The following RXYLT1 variants were observed in gnomAD, a reference collection of about 807,000 sequenced individuals.
RXYLT1 encodes ribitol xylosyltransferase 1.
RXYLT1 carries 41 observed loss-of-function variants against 43.5 expected under a neutral mutation model. That is an observed-to-expected ratio of 0.94 (90% CI 0.73 to 1.22). The LOEUF is 1.22. Among genes scored for constraint, RXYLT1 ranks in the 50% most tolerant of loss-of-function variants. The pLI is 0.00. For missense variants in RXYLT1, 514 were observed against 532.0 expected, an observed-to-expected ratio of 0.97 and a Z score of 0.33; for synonymous variants, 166 against 194.4, an observed-to-expected ratio of 0.85 and a Z score of 1.21.
intron 1 of RXYLT1, 49 bp downstream of exon 1, chr12:63,780,178 G>C: frequency 1.4e-6 from 2 of 1,406,646 alleles, no homozygotes; most frequent in Non-Finnish European, 9.1e-7. Flanking sequence ...CCTGGCTGGG[G>C]CTGCTGGGCG....
intron 2 of RXYLT1, among the ~76,000 whole-genome samples, chr12:63,781,564 T>G (rs1313486166): frequency 6.6e-6 from 1 of 152,176 alleles, no homozygotes; most frequent in Non-Finnish European, 1.5e-5. Context: ...CACTGAAGAG[T>G]ACAAAGTTAA....
chr12:63,787,602 T>A (rs1897833768), intron 3 of RXYLT1, among the ~76,000 whole-genome samples: 4 of 152,182 alleles, frequency 2.6e-5, no homozygotes, highest in Non-Finnish European at 5.9e-5. Context: ...TATAGCCTTA[T>A]GAAAAGTATT....
chr12:63,808,737 A>C lies in RXYLT1; in HGVS notation c.977A>C (p.Asp326Ala). Residue 326 changes from aspartate to alanine, a missense_variant, in exon 6 of 6, where the codon GAT becomes GCT. Asp to Ala is a moderately radical substitution (Grantham distance 126). Transcript: ENST00000261234. ...TACCAAGATGCCTTGCTTCAGAGTGATCTCACATTGTGCCCGGTCGGAGTA... is the reference window on the plus strand; with the variant it reads ...TACCAAGATGCCTTGCTTCAGAGTGCTCTCACATTGTGCCCGGTCGGAGTA... ...KNYQDALLQS[D>A]LTLCPVGVNT... The C allele has an allele frequency of 1.9e-6, 3 of 1,611,614 alleles. No individual in the cohort carries two copies. The highest frequency in any genetic ancestry group is 1.7e-5 in the Admixed American group (1 of 59,020).
chr12:63,802,406 G>GT lies in RXYLT1; in HGVS notation c.743+2dup, dbSNP rs761767587. The GT allele has an allele frequency of 6.4e-7, 1 of 1,558,812 alleles. No homozygotes were observed. The highest frequency in any genetic ancestry group is 8.7e-7 in the Non-Finnish European group (1 of 1,152,148). ...TTCAGTGGCCTTTAGGAGTAGCAAC[G>GT]TAAGTACAAAATATGATTAAACATT... On this transcript the variant is annotated splice_donor_variant, in intron 4 of 5. Coordinates refer to ENST00000261234, the MANE Select transcript of RXYLT1 (RefSeq NM_014254.3). LOFTEE classifies it high-confidence loss of function.
In RXYLT1 at chr12:63,809,283, T is replaced by C; in HGVS notation, c.*191T>C. 1 of 476,198 alleles carries C rather than the reference T, an allele frequency of 2.1e-6. No homozygotes were observed. The highest frequency in any genetic ancestry group is 3.6e-6 in the Non-Finnish European group (1 of 275,118). The allele number at this position is 476,198 out of a possible 1,614,324, so 29.5% of individuals were successfully genotyped here. A position where few individuals can be genotyped will look rare whatever the true frequency, so the allele number is the denominator to read the frequency against. On this transcript the variant is annotated 3_prime_UTR_variant, in exon 6 of 6. Coordinates refer to ENST00000261234, the MANE Select transcript of RXYLT1 (RefSeq NM_014254.3). ...TGATAGTGGTCCCATAAGATTATAA[T>C]GGAGCTGAAAAATTTCTATCGCCTA...
At chr12:63,801,137 A>T (rs927938524) in intron 3 of RXYLT1, among the ~76,000 whole-genome samples, 1 of 152,026 alleles carries the variant, frequency 6.6e-6, no homozygotes, top group African/African-American at 2.4e-5. Context: ...TTTGATGTGG[A>T]TCCTCCCATT....
At chr12:63,802,675 A>T (rs1384561848) in intron 4 of RXYLT1, among the ~76,000 whole-genome samples, 1 of 152,144 alleles carries the variant, frequency 6.6e-6, no homozygotes, top group Admixed American at 6.6e-5. Context: ...GCTTATTAGG[A>T]GTGCCATAAA....
chr12:63,796,391 T>C (rs1015849211), intron 3 of RXYLT1, among the ~76,000 whole-genome samples: 1 of 152,220 alleles, frequency 6.6e-6, no homozygotes, highest in Non-Finnish European at 1.5e-5. Context: ...AAGTTACTGT[T>C]TTTTTCCATT....
At position 63,802,189 on chromosome 12, in the gene RXYLT1, A is replaced by T. The variant is rs561260081; in HGVS notation, c.527A>T (p.Tyr176Phe). ...GGAAGAGAAAAAGCAAAGATCTTTT[A>T]TGCCACCCAGTGGTTACTTTATGCA... ...LNGREKAKIF[Y>F]ATQWLLYAQN... Residue 176 changes from tyrosine (Y) to phenylalanine (F), a missense_variant, in exon 4 of 6, where the codon TAT becomes TTT. By Grantham distance (22) the Tyr-to-Phe change is conservative. Transcript: ENST00000261234. 3 of 1,614,118 alleles carry T rather than the reference A, an allele frequency of 1.9e-6. No individual in the cohort carries two copies. Among genetic ancestry groups the T allele is most frequent in the South Asian group, 2.2e-5 (2 of 91,068 alleles).
intron 3 of RXYLT1, among the ~76,000 whole-genome samples, chr12:63,786,653 T>C (rs1897808763): frequency 6.6e-6 from 1 of 152,238 alleles, no homozygotes. Context: ...TATTGATGAC[T>C]AATCAGGGTG....
At position 63,808,934 on chromosome 12, in the gene RXYLT1, C is replaced by A; in HGVS notation, c.1174C>A (p.Leu392Ile). ...TATCTTTATCAAGAACTGGAAGGAA[C>A]TCCCTGCTGTTTTAGAAAAAGAGAA... ...PFIFIKNWKE[L>I]PAVLEKEKTI... is the part of the protein sequence containing the mutation. Residue 392 changes from leucine to isoleucine, a missense_variant, in exon 6 of 6, where the codon CTC (leucine) becomes ATC (isoleucine). Coordinates refer to ENST00000261234, the MANE Select transcript of RXYLT1 (RefSeq NM_014254.3). 6.2e-7 allele frequency: 1 copy of A among 1,613,738 alleles called. No homozygotes were observed. Among genetic ancestry groups the A allele is most frequent in the Non-Finnish European group, 8.5e-7 (1 of 1,179,994 alleles).
intron 4 of RXYLT1, among the ~76,000 whole-genome samples, chr12:63,803,258 C>T (rs1393550979): frequency 1.6e-5 from 2 of 127,944 alleles, no homozygotes; most frequent in Non-Finnish European, 3.2e-5. Flanking sequence ...ATATTTTTAT[C>T]TTTCTGTTAA....
At chr12:63,804,464 T>G (rs1030714287) in intron 4 of RXYLT1, 13 of 152,234 alleles carry the variant, frequency 8.5e-5, no homozygotes, top group African/African-American at 3.1e-4. Flanking sequence ...CAGTTTGTTT[T>G]AATCTACTTG....
chr12:63,801,110 A>T lies in RXYLT1; in HGVS notation c.429-981A>T. Among the ~76,000 whole-genome samples the T allele has an allele frequency of 1.3e-5, 2 of 152,140 alleles. 1 individual carries two copies. The highest frequency in any genetic ancestry group is 2.9e-5 in the Non-Finnish European group (2 of 68,034). ...CTTTCATCTTCCTTCCTCCTCAGAT[A>T]CAATTGCTATCATAAATTTGATGTG... On this transcript the variant is annotated intron_variant, in intron 3 of 5. Coordinates refer to ENST00000261234, the MANE Select transcript of RXYLT1 (RefSeq NM_014254.3).
intron 3 of RXYLT1, among the ~76,000 whole-genome samples, chr12:63,785,976 A>G (rs2136222469): frequency 6.6e-6 from 1 of 152,296 alleles, no homozygotes; most frequent in East Asian, 1.9e-4. Flanking sequence ...GTTAAAAAGT[A>G]AACAGGTTTT....
In RXYLT1 at chr12:63,808,859, G is replaced by A; in HGVS notation, c.1099G>A (p.Val367Met). 6.2e-7 allele frequency: 1 copy of A among 1,614,140 alleles called. No individual in the cohort carries two copies. Among genetic ancestry groups the A allele is most frequent in the Non-Finnish European group, 8.5e-7 (1 of 1,180,040 alleles). The change falls in exon 6 of 6, where the codon GTG (valine) becomes ATG (methionine). Residue 367 changes from valine to methionine, a missense_variant. Physicochemically the swap from Val to Met is conservative, Grantham distance 21 (BLOSUM62 1). Coordinates refer to ENST00000261234, the MANE Select transcript of RXYLT1 (RefSeq NM_014254.3). ...MTAGNCGNTS[V>M]HHGAPLQLLK... ...AGCTGGCAACTGTGGGAATACATCTGTGCACCACGGTGCTCCTCTGCAGTT... is the reference window on the plus strand; with the variant it reads ...AGCTGGCAACTGTGGGAATACATCTATGCACCACGGTGCTCCTCTGCAGTT...
At chr12:63,791,201 A>C (rs1025931411) in intron 3 of RXYLT1, among the ~76,000 whole-genome samples, 1 of 152,170 alleles carries the variant, frequency 6.6e-6, no homozygotes, top group Non-Finnish European at 1.5e-5. Flanking sequence ...TTATAGTTTA[A>C]TCTCATAGGA....
At chr12:63,804,880 C>A in intron 4 of RXYLT1, 1 of 165,076 alleles carries the variant, frequency 6.1e-6, no homozygotes, top group East Asian at 1.7e-4. Context: ...TAAAATGTTG[C>A]TTAAATCGTG....
At position 63,802,659 on chromosome 12, in the gene RXYLT1, T is replaced by C. The variant is rs536580809; in HGVS notation, c.743+254T>C. 5.3e-5 allele frequency among the ~76,000 whole-genome samples: 8 copies of C among 152,240 alleles called. No individual in the cohort carries two copies. In the East Asian group the frequency reaches 9.7e-4, roughly 18 times the overall value. ...AAAACCCCAAGGCATAGAATGGATTTTTCAAGCTTATTAGGAGTGCCATAA... is the reference window on the plus strand; with the variant it reads ...AAAACCCCAAGGCATAGAATGGATTCTTCAAGCTTATTAGGAGTGCCATAA... On this transcript the variant is annotated intron_variant, in intron 4 of 5. Coordinates refer to ENST00000261234, the MANE Select transcript of RXYLT1 (RefSeq NM_014254.3).
Sources: gnomAD v4.1 joint callset for allele counts (sites outside exome capture counted in the v4.1 genomes callset) on GRCh38, gnomAD v4.1.1 for gene constraint, MANE v1.5 for transcripts, NCBI Gene and HGNC (gene_info 2026-07-23, HGNC 2026-07-21) for gene names.